CPNE8: variants seen among roughly 807,000 people sequenced by gnomAD.
The protein encoded by CPNE8 is copine-8.
In CPNE8, 45 loss-of-function variants were observed where a neutral mutation model predicts 81.5. That is an observed-to-expected ratio of 0.55 (90% CI 0.44 to 0.71). The LOEUF (loss-of-function observed/expected upper bound fraction) is 0.71. Among genes scored for constraint, CPNE8 ranks in the 30% least tolerant of loss-of-function variants. The pLI is 0.00. For missense variants in CPNE8, 594 were observed against 672.1 expected (o/e 0.88, Z 1.28); for synonymous variants, 252 against 226.3 (o/e 1.11, Z -1.02).
chr12:38,729,382 A>T, intron 11 of CPNE8, among the ~76,000 whole-genome samples: 1 of 152,050 alleles, frequency 6.6e-6, no homozygotes, highest in Non-Finnish European at 1.5e-5. Flanking sequence ...TAAGTATACT[A>T]CTATATAGAG....
intron 6 of CPNE8, among the ~76,000 whole-genome samples, chr12:38,797,835 A>G (rs900244618): frequency 2.6e-5 from 4 of 152,170 alleles, no homozygotes; most frequent in African/African-American, 9.7e-5. Context: ...TAGAATAACC[A>G]ATACAGAAAA....
Position 38,653,663 on chromosome 12 carries a change from C to T in CPNE8, c.*219G>A. On this transcript the variant is annotated 3_prime_UTR_variant, in exon 20 of 20. Transcript: ENST00000331366. ...ATTTAGAGAAGACATCCATACTTTG[C>T]TTCAAGCATTTAAACAATTTTTTCT... 3 of 342,528 alleles carry T rather than the reference C, an allele frequency of 8.8e-6. No homozygotes were observed. The highest frequency in any genetic ancestry group is 1.1e-4 in the Admixed American group (2 of 19,006). The allele number at this position is 342,528 out of a possible 1,614,324, so 21.2% of individuals were successfully genotyped here. A position where few individuals can be genotyped will look rare whatever the true frequency, so the allele number is the denominator to read the frequency against.
At chr12:38,864,288 C>G (rs11609849) in intron 3 of CPNE8, among the ~76,000 whole-genome samples, 36,294 of 151,970 alleles carry the variant, frequency 0.24, 5,447 homozygotes, top group Non-Finnish European at 0.33. Context: ...TTAAGTTTCA[C>G]TGAAGCATAG....
chr12:38,870,793 AAAAT>A (rs540658962), intron 3 of CPNE8, among the ~76,000 whole-genome samples: 33 of 151,670 alleles, frequency 2.2e-4, no homozygotes, highest in Admixed American at 1.0e-3. Flanking sequence ...AAGTATAATA[AAAAT>A]AAATAAATAA....
chr12:38,816,308 G>T (rs2076583946), intron 6 of CPNE8, among the ~76,000 whole-genome samples: 1 of 152,098 alleles, frequency 6.6e-6, no homozygotes, highest in Non-Finnish European at 1.5e-5. Context: ...TATTTACAAG[G>T]CACAACAGGT....
rs1470616518 is a variant in CPNE8 at position 38,865,448 on chromosome 12, A to AACAGGCATGAACAACCTATTGCC, written c.186+7533_186+7555dup. Among the ~76,000 whole-genome samples, 11 of 152,346 alleles carry AACAGGCATGAACAACCTATTGCC rather than the reference A, an allele frequency of 7.2e-5. No individual in the cohort carries two copies. In the South Asian group the frequency reaches 2.3e-3, roughly 32 times the overall value. Reference sequence around the variant, plus strand: ...TTCATAAAATAGAGAACCATGCAGCAACAGGCATGAACAACCTATTGCCGC... The same window carrying AACAGGCATGAACAACCTATTGCC: ...TTCATAAAATAGAGAACCATGCAGCAACAGGCATGAACAACCTATTGCCACAGGCATGAACAACCTATTGCCGC... On this transcript the variant is annotated intron_variant, in intron 3 of 19. Transcript: ENST00000331366.
chr12:38,906,327 G>C (rs1220453407), upstream of CPNE8: 1 of 985,078 alleles, frequency 1.0e-6, no homozygotes, highest in Non-Finnish European at 1.2e-6. Flanking sequence ...TGGGACAAGT[G>C]GGGGCGGGGG....
intron 3 of CPNE8, among the ~76,000 whole-genome samples, chr12:38,857,751 C>G (rs1418401373): frequency 1.3e-5 from 2 of 152,054 alleles, no homozygotes; most frequent in East Asian, 3.9e-4. Context: ...AAAAAAATAG[C>G]CGGGCATGGT....
At chr12:38,831,796 T>C (rs1194395806) in intron 5 of CPNE8, among the ~76,000 whole-genome samples, 2 of 152,206 alleles carry the variant, frequency 1.3e-5, no homozygotes, top group Non-Finnish European at 1.5e-5. Context: ...AAATGTATCA[T>C]TGCTCTTCTG....
At chr12:38,843,062 T>C (rs151040071) in intron 4 of CPNE8, among the ~76,000 whole-genome samples, 1 of 152,312 alleles carries the variant, frequency 6.6e-6, no homozygotes, top group African/African-American at 2.4e-5. Flanking sequence ...ACAGAATATA[T>C]GATCATGGAG....
At chr12:38,656,102 T>TTAA (rs1555139797) in intron 19 of CPNE8, among the ~76,000 whole-genome samples, 1 of 141,898 alleles carries the variant, frequency 7.0e-6, no homozygotes, top group Non-Finnish European at 1.6e-5. Context: ...ATCAAAGAGG[T>TTAA]AAAAAAAAAA....
At chr12:38,775,854 G>C (rs1043721888) in intron 7 of CPNE8, among the ~76,000 whole-genome samples, 1 of 151,882 alleles carries the variant, frequency 6.6e-6, no homozygotes, top group African/African-American at 2.4e-5. Context: ...ATACAAATGG[G>C]GTAAACTCAA....
chr12:38,696,300 G>C (rs1939795482), intron 14 of CPNE8, among the ~76,000 whole-genome samples: 1 of 150,572 alleles, frequency 6.6e-6, no homozygotes, highest in Non-Finnish European at 1.5e-5. Flanking sequence ...ACACATACTA[G>C]ACAACCCTTT....
intron 13 of CPNE8, among the ~76,000 whole-genome samples, chr12:38,711,134 G>A (rs559071738): frequency 6.6e-6 from 1 of 152,270 alleles, no homozygotes; most frequent in South Asian, 2.1e-4. Flanking sequence ...ACATCATCAG[G>A]AGGAAAATAT....
Position 38,873,062 on chromosome 12 carries a change from G to GA in CPNE8, c.140-13dup, listed in dbSNP as rs766951672. 3.4e-6 allele frequency: 5 copies of GA among 1,472,584 alleles called. No individual in the cohort carries two copies. The highest frequency in any genetic ancestry group is 1.2e-5 in the South Asian group (1 of 84,616). 91.2% of individuals were successfully genotyped at this position (1,472,584 alleles called of 1,614,324 possible). On this transcript the variant is annotated splice_polypyrimidine_tract_variant and intron_variant, in intron 2 of 19. Coordinates refer to ENST00000331366, the MANE Select transcript of CPNE8 (RefSeq NM_153634.3). ...ATATAAGACACAAACTACAAAAGAT[G>GA]AAAAAATACGCACATATAAATGTCT...
chr12:38,814,692 A>G (rs1455668717), intron 6 of CPNE8, among the ~76,000 whole-genome samples: 2 of 152,084 alleles, frequency 1.3e-5, no homozygotes, highest in African/African-American at 4.8e-5. Context: ...ATCCATTTAC[A>G]GGCCTACATC....
intron 13 of CPNE8, among the ~76,000 whole-genome samples, chr12:38,717,458 T>TATATATATATATATATATATATACAC (rs1339046227): frequency 7.2e-6 from 1 of 138,730 alleles, no homozygotes; most frequent in African/African-American, 2.7e-5. Flanking sequence ...TATATATATA[T>TATATATATATATATATATATATACAC]ACACCATGGA....
intron 10 of CPNE8, among the ~76,000 whole-genome samples, chr12:38,737,928 G>C (rs530121030): frequency 6.6e-6 from 1 of 152,132 alleles, no homozygotes; most frequent in Non-Finnish European, 1.5e-5. Flanking sequence ...CTACACAAGG[G>C]TAGGGTCTTT....
intron 3 of CPNE8, among the ~76,000 whole-genome samples, chr12:38,850,451 G>T (rs1943628172): frequency 6.6e-6 from 1 of 152,116 alleles, no homozygotes; most frequent in African/African-American, 2.4e-5. Flanking sequence ...TAGAATGCTG[G>T]CTCCTCAGCA....
Sources: allele counts gnomAD v4.1 joint callset (sites outside exome capture counted in the v4.1 genomes callset), GRCh38; gene constraint gnomAD v4.1.1; transcripts MANE v1.5; gene names NCBI Gene and HGNC (gene_info 2026-07-23, HGNC 2026-07-21).